TCN1: variants seen among roughly 807,000 people sequenced by gnomAD.
TCN1 encodes the protein transcobalamin-1.
Under a neutral mutation model 46.3 loss-of-function variants are expected in TCN1, and 47 were observed. The observed-to-expected ratio is 1.01, with a 90% CI of 0.80 to 1.29. The LOEUF (loss-of-function observed/expected upper bound fraction) is 1.29, where lower values mean the gene tolerates loss of function less well. TCN1 is among the 50% of genes most tolerant of loss of function. The probability of loss-of-function intolerance (pLI) is 0.00; values close to 1 mark genes in which losing one functional copy is unlikely to be tolerated. For synonymous variants in TCN1, 183 were observed against 192.5 expected, an observed-to-expected ratio of 0.95 and a Z score of 0.41; for missense variants, 532 against 511.0, an observed-to-expected ratio of 1.04 and a Z score of -0.40.
rs189696084 is a variant in TCN1, at chr11:59,853,015, C to T, written c.1262G>A (p.Arg421His). 176 of 1,614,126 alleles carry T rather than the reference C, an allele frequency of 1.1e-4. No individual in the cohort carries two copies. The highest frequency in any genetic ancestry group is 1.7e-4 in the African/African-American group (13 of 75,042). ...GCGAACCTCCAAGTTTTCTCCATTG[C>T]GGACAACGTAACTACCAGCTCCTGA... ...LSQGAGSYVVRNGENLEVRWS... is the reference protein window; with the variant it reads ...LSQGAGSYVVHNGENLEVRWS... The change falls in exon 9 of 9, where the codon CGC (arginine) becomes CAC (histidine). Residue 421 changes from arginine (R) to histidine (H), a missense_variant. Arg to His is a conservative substitution (Grantham distance 29). Coordinates refer to ENST00000257264, the MANE Select transcript of TCN1 (RefSeq NM_001062.4).
At chr11:59,860,704 A>C (rs781074274) in intron 4 of TCN1, among the ~76,000 whole-genome samples, 1 of 152,198 alleles carries the variant, frequency 6.6e-6, no homozygotes, top group Non-Finnish European at 1.5e-5. Flanking sequence ...GTTGCCCAGT[A>C]AACCTCTTTA....
chr11:59,861,822 A>C, intron 3 of TCN1, 140 bp from the exon 4 acceptor site: 1 of 967,280 alleles, frequency 1.0e-6, no homozygotes, highest in South Asian at 1.4e-5. Context: ...TCACCCATAG[A>C]ATCAGAAAAC....
intron 8 of TCN1, 34 bp from the exon 9 acceptor site, chr11:59,853,070 T>C: frequency 1.9e-6 from 3 of 1,612,394 alleles, no homozygotes; most frequent in Non-Finnish European, 2.5e-6. Flanking sequence ...CTGGGTCAAA[T>C]GATTTGGCCA....
intron 4 of TCN1, 86 bp from the exon 5 acceptor site, chr11:59,859,353 C>T (rs1282761731): frequency 1.2e-5 from 17 of 1,441,508 alleles, no homozygotes; most frequent in Non-Finnish European, 1.5e-5. Context: ...GTGAGACTTT[C>T]AGTGCTAAAA....
Position 59,866,439 on chromosome 11 carries a change from C to A in TCN1, c.32G>T (p.Gly11Val). The change falls in exon 1 of 9, where the codon GGG becomes GTG. Residue 11 changes from glycine to valine, a missense_variant. Gly to Val is a moderately radical substitution (Grantham distance 109, BLOSUM62 -3). Coordinates refer to ENST00000257264, the MANE Select transcript of TCN1 (RefSeq NM_001062.4). Reference sequence around the variant, plus strand: ...TGGAATAAAAGAAAACAGTAAGAGCCCCACTAGGGGCAGCTGGTGTGACTG... The same window carrying A: ...TGGAATAAAAGAAAACAGTAAGAGCACCACTAGGGGCAGCTGGTGTGACTG... MRQSHQLPLVGLLLFSFIPSQ... is the reference protein window; with the variant it reads MRQSHQLPLVVLLLFSFIPSQ... 6.2e-7 allele frequency: 1 copy of A among 1,613,498 alleles called. No homozygotes were observed.
rs191092722 is a variant in TCN1 at position 59,855,236 on chromosome 11, A to T, written c.938-401T>A. 1.4e-3 allele frequency among the ~76,000 whole-genome samples: 211 copies of T among 152,256 alleles called. 1 individual carries two copies. The highest frequency in any genetic ancestry group is 4.5e-3 in the African/African-American group (186 of 41,546). Reference sequence around the variant, plus strand: ...CCAGGCACTATACTAATCATTTTACATGGATTGTCTCATTCAATCTTTACA... The same window carrying T: ...CCAGGCACTATACTAATCATTTTACTTGGATTGTCTCATTCAATCTTTACA... On this transcript the variant is annotated intron_variant, in intron 6 of 8. Coordinates refer to ENST00000257264, the MANE Select transcript of TCN1 (RefSeq NM_001062.4).
rs147187383 is a variant in TCN1 at position 59,852,991 on chromosome 11, C to T, written c.1286G>A (p.Arg429His). The T allele has an allele frequency of 1.3e-4, 205 of 1,614,120 alleles. 3 individuals carry two copies. In the African/African-American group the frequency reaches 1.4e-3, roughly 11 times the overall value. Reference protein sequence around the residue: ...VVRNGENLEVRWSKY With the variant: ...VVRNGENLEVHWSKY ...TTGGGCTTATTAGTATTTGCTCCAG[C>T]GAACCTCCAAGTTTTCTCCATTGCG... The change falls in exon 9 of 9, where the codon CGC (arginine) becomes CAC (histidine). Residue 429 changes from arginine (R) to histidine (H), a missense_variant. Transcript: ENST00000257264.
Position 59,854,675 on chromosome 11 carries a change from C to G in TCN1, c.1098G>C (p.Gln366His). Residue 366 changes from glutamine (Q) to histidine (H), a missense_variant, in exon 7 of 9, where the codon CAG (glutamine) becomes CAC (histidine). Transcript: ENST00000257264. ...SVFLSVMEKA[Q>H]KMNDTIFGFT... ...ACCCAAATATAGTATCATTCATTTT[C>G]TGGGCTTTCTCCATCACACTGAGGA... 6.2e-7 allele frequency: 1 copy of G among 1,613,906 alleles called. No individual in the cohort carries two copies. The highest frequency in any genetic ancestry group is 1.1e-5 in the South Asian group (1 of 91,070).
intron 5 of TCN1, 149 bp from the exon 6 acceptor site, chr11:59,856,207 A>G (rs1852936297): frequency 3.0e-6 from 2 of 666,150 alleles, no homozygotes; most frequent in African/African-American, 1.8e-5. Context: ...CCTAGGAAGC[A>G]CCTCAGATAA....
intron 5 of TCN1, among the ~76,000 whole-genome samples, chr11:59,856,841 A>C (rs1852949028): frequency 6.6e-6 from 1 of 152,112 alleles, no homozygotes; most frequent in Admixed American, 6.5e-5. Flanking sequence ...GACAATGGGG[A>C]GTCTAATTGT....
intron 5 of TCN1, among the ~76,000 whole-genome samples, chr11:59,858,199 C>T (rs1852968362): frequency 1.3e-5 from 2 of 152,124 alleles, no homozygotes; most frequent in African/African-American, 4.8e-5. Flanking sequence ...AATGTTGGGA[C>T]AGTTGATCTG....
intron 5 of TCN1, 119 bp downstream of exon 5, chr11:59,858,958 G>T (rs890547667): frequency 1.5e-5 from 17 of 1,165,046 alleles, no homozygotes; most frequent in Non-Finnish European, 2.0e-5. Context: ...AGCTGAGCTC[G>T]CACCATTGCA....
In TCN1 at chr11:59,855,893, CTT is replaced by C. The variant is rs1852925708; in HGVS notation, c.911_912del (p.Lys304ArgfsTer10). ...CCTGAAGCAGAGACGCAAGAAGAGT[CTT>C]TGTTAATATCCAAGAAGGTCTTTCC... is the stretch of plus-strand genomic sequence containing the variant. ...LMGKTFLDIN[K>X]DSSCVSASGN... On this transcript the variant is annotated frameshift_variant, in exon 6 of 9. Coordinates refer to ENST00000257264, the MANE Select transcript of TCN1 (RefSeq NM_001062.4). LOFTEE classifies it high-confidence loss of function. The C allele has an allele frequency of 7.4e-6, 12 of 1,613,736 alleles. No individual in the cohort carries two copies. The highest frequency in any genetic ancestry group is 1.3e-5 in the African/African-American group (1 of 74,894).
intron 7 of TCN1, among the ~76,000 whole-genome samples, chr11:59,853,550 C>T (rs1411583742): frequency 1.3e-5 from 2 of 152,162 alleles, no homozygotes; most frequent in Non-Finnish European, 2.9e-5. Context: ...CTCCACACTC[C>T]ATGCTAAATT....
In TCN1 at chr11:59,861,648, G is replaced by T; in HGVS notation, c.435C>A (p.Tyr145Ter). 6.2e-7 allele frequency: 1 copy of T among 1,614,132 alleles called. No individual in the cohort carries two copies. The highest frequency in any genetic ancestry group is 8.5e-7 in the Non-Finnish European group (1 of 1,179,986). The change falls in exon 4 of 9, where the codon TAC (tyrosine) becomes TAA (stop). Residue 145 changes from tyrosine to a stop codon, truncating the protein, a stop_gained. Coordinates refer to ENST00000257264, the MANE Select transcript of TCN1 (RefSeq NM_001062.4). LOFTEE classifies it high-confidence loss of function. ...AGGCCAAAACGTCCAGGCTGAGCTG[G>T]TAGTAGTTAGTCAGGGGAGTGCCAT... is the stretch of plus-strand genomic sequence containing the variant. ...AHNGTPLTNY[Y>*]QLSLDVLALC...
At chr11:59,857,359 G>A (rs1297194082) in intron 5 of TCN1, among the ~76,000 whole-genome samples, 2 of 152,096 alleles carry the variant, frequency 1.3e-5, no homozygotes, top group Non-Finnish European at 2.9e-5. Context: ...ATTCAAATAT[G>A]CAATGAAAAT....
In TCN1 at chr11:59,862,715, A is replaced by G; in HGVS notation, c.267T>C (p.Asp89=). 1.2e-6 allele frequency: 2 copies of G among 1,613,600 alleles called. No individual in the cohort carries two copies. Among genetic ancestry groups the G allele is most frequent in the Admixed American group, 1.7e-5 (1 of 60,020 alleles). ...IKYNVKSRLS[D]VSSGELALII... is the part of the protein sequence containing the mutation. ...TCAAGGCAAGCTCTCCCGAGCTTAC[A>G]TCTGACACTGAAAAGAAAAGTATTC... Residue 89 remains aspartate, a synonymous_variant, in exon 3 of 9, where the codon GAT becomes GAC. Transcript: ENST00000257264.
Position 59,863,965 on chromosome 11 carries a change from C to T in TCN1, c.201G>A (p.Gln67=), listed in dbSNP as rs749543937. The T allele has an allele frequency of 3.7e-6, 6 of 1,613,922 alleles. No homozygotes were observed. The South Asian group carries it at 6.6e-5, about 18-fold the overall frequency. ...TCATCTTTTGCATCAGGGTTTGGAT[C>T]TGGATTCCAACAAGTTTGAGGGACA... ...VVLSLKLVGI[Q]IQTLMQKMIQ... The change falls in exon 2 of 9, where the codon CAG becomes CAA. Residue 67 remains glutamine, a synonymous_variant. Transcript: ENST00000257264.
intron 6 of TCN1, 102 bp from the exon 7 acceptor site, chr11:59,854,937 T>C (rs1326881220): frequency 2.4e-6 from 3 of 1,255,348 alleles, no homozygotes; most frequent in Non-Finnish European, 2.3e-6. Context: ...CTTGCCTTTA[T>C]GCAGACACGG....
Sources: gnomAD v4.1 joint callset for allele counts (sites outside exome capture counted in the v4.1 genomes callset) on GRCh38, gnomAD v4.1.1 for gene constraint, MANE v1.5 for transcripts, NCBI Gene and HGNC (gene_info 2026-07-23, HGNC 2026-07-21) for gene names.